TET3: variants seen among roughly 807,000 people sequenced by gnomAD.
TET3 encodes the protein methylcytosine dioxygenase TET3.
TET3 carries 19 observed loss-of-function variants against 141.4 expected under a neutral mutation model. The observed-to-expected ratio is 0.13, with a 90% CI of 0.09 to 0.20. The LOEUF (loss-of-function observed/expected upper bound fraction) is 0.20, where lower values mean the gene tolerates loss of function less well. Among genes scored for constraint, TET3 ranks in the 10% least tolerant of loss-of-function variants. TET3 has a pLI of 1.00. For synonymous variants in TET3, 1,043 were observed against 980.9 expected (o/e 1.06, Z -1.18); for missense variants, 1,874 against 2,356.9 (o/e 0.80, Z 4.24).
At chr2:74,043,684 G>A (rs1029861799) in intron 3 of TET3, among the ~76,000 whole-genome samples, 1 of 152,178 alleles carries the variant, frequency 6.6e-6, no homozygotes, top group African/African-American at 2.4e-5. Flanking sequence ...TGTTAGAAAA[G>A]CATGAGGGTC....
chr2:74,047,003 C>T lies in TET3; in HGVS notation c.1086C>T (p.Ala362=). 1 of 1,613,956 alleles carries T rather than the reference C, an allele frequency of 6.2e-7. No homozygotes were observed. Among genetic ancestry groups the T allele is most frequent in the Non-Finnish European group, 8.5e-7 (1 of 1,179,872 alleles). Residue 362 remains alanine (A), a synonymous_variant, in exon 4 of 12, where the codon GCC becomes GCT. Transcript: ENST00000409262. Reference sequence around the variant, plus strand: ...TGCAGACCGCCATTGCCATTGAGGCCCTCACACAGCTCTCCTCTGCCCTCC... The same window carrying T: ...TGCAGACCGCCATTGCCATTGAGGCTCTCACACAGCTCTCCTCTGCCCTCC... ...ISLQTAIAIE[A]LTQLSSALPQ... is the part of the protein sequence containing the mutation.
At chr2:74,118,286 G>A in the TET3 span, among the ~76,000 whole-genome samples, 1 of 152,164 alleles carries the variant, frequency 6.6e-6, no homozygotes, top group Non-Finnish European at 1.5e-5. Context: ...CTCCCGAGAA[G>A]CAAAGTCAAG....
chr2:74,058,741 A>G (rs529873010), intron 4 of TET3, among the ~76,000 whole-genome samples: 3 of 152,312 alleles, frequency 2.0e-5, no homozygotes, highest in Non-Finnish European at 4.4e-5. Context: ...GCATCTCAGA[A>G]GCCTCCGAAG....
At chr2:74,133,025 G>A in the TET3 span, among the ~76,000 whole-genome samples, 3 of 151,396 alleles carry the variant, frequency 2.0e-5, no homozygotes, top group Non-Finnish European at 4.4e-5. Context: ...AGCCTCCCGA[G>A]TAGCTGGGAC....
chr2:74,034,575 TAAAAAAA>T (rs57991784), intron 3 of TET3, among the ~76,000 whole-genome samples: 1 of 130,050 alleles, frequency 7.7e-6, no homozygotes, highest in Non-Finnish European at 1.7e-5. Context: ...GAGCATTGAT[TAAAAAAA>T]AAAAAAAAAA....
intron 8 of TET3, 61 bp from the exon 9 acceptor site, chr2:74,092,841 C>T (rs1690584850): frequency 1.4e-6 from 2 of 1,442,948 alleles, no homozygotes; most frequent in Non-Finnish European, 1.9e-6. Context: ...AGTCCACTTC[C>T]AGGGTGCAGG....
At chr2:74,109,109 C>T (rs1222901603), downstream of TET3, among the ~76,000 whole-genome samples, 2 of 152,152 alleles carry the variant, frequency 1.3e-5, no homozygotes, top group African/African-American at 4.8e-5. Context: ...TTGGAAGAGA[C>T]CTAGTTCTGT....
intron 3 of TET3, among the ~76,000 whole-genome samples, chr2:74,013,290 G>A (rs1685564829): frequency 6.6e-6 from 1 of 151,118 alleles, no homozygotes; most frequent in African/African-American, 2.5e-5. Context: ...CACCGCGCCT[G>A]GCCTGATGGG....
rs760108332 is a variant in TET3, at chr2:74,014,902, A to G, written c.360+11736A>G. Among the ~76,000 whole-genome samples, 8 of 152,288 alleles carry G rather than the reference A, an allele frequency of 5.3e-5. No homozygotes were observed. The East Asian group carries it at 5.8e-4, about 11-fold the overall frequency. On this transcript the variant is annotated intron_variant, in intron 3 of 11. Coordinates refer to ENST00000409262, the MANE Select transcript of TET3 (RefSeq NM_001287491.2). Reference sequence around the variant, plus strand: ...GAGAGGGACCCACAGTGCCAGGAAAAATGTGGTGGACATCTCTTAGACACC... The same window carrying G: ...GAGAGGGACCCACAGTGCCAGGAAAGATGTGGTGGACATCTCTTAGACACC...
At position 74,093,621 on chromosome 2, in the gene TET3, C is replaced by G. The variant is rs1219747868; in HGVS notation, c.3222C>G (p.Ala1074=). ...TCACGGCCTGCATGGACTTCTGTGC[C>G]CACGCCCACAAGGACCAGCATAACC... ...AGVTACMDFC[A]HAHKDQHNLY... is the part of the protein sequence containing the mutation. Residue 1074 remains alanine, a synonymous_variant, in exon 10 of 12, where the codon GCC becomes GCG. Coordinates refer to ENST00000409262, the MANE Select transcript of TET3 (RefSeq NM_001287491.2). The surrounding 1 kb of genome is among the most constrained non-coding windows in gnomAD (Gnocchi z 4.2). 1.2e-6 allele frequency: 2 copies of G among 1,613,624 alleles called. No homozygotes were observed. The highest frequency in any genetic ancestry group is 1.3e-5 in the African/African-American group (1 of 75,032).
intron 4 of TET3, among the ~76,000 whole-genome samples, 197 bp downstream of exon 4, chr2:74,048,608 C>T (rs1687775999): frequency 6.6e-6 from 1 of 152,190 alleles, no homozygotes; most frequent in African/African-American, 2.4e-5. Flanking sequence ...TGCGTGTATG[C>T]CACGTCGGCT....
At chr2:73,988,547 G>T (rs1298840917) in intron 2 of TET3, among the ~76,000 whole-genome samples, 1 of 152,154 alleles carries the variant, frequency 6.6e-6, no homozygotes, top group Non-Finnish European at 1.5e-5. Flanking sequence ...CAGGCTGCCG[G>T]GTGGTCTTGG....
chr2:74,130,519 TCA>T, the TET3 span: 1 of 152,216 alleles, frequency 6.6e-6, no homozygotes, highest in Non-Finnish European at 1.5e-5. Flanking sequence ...CAGCTGGAGC[TCA>T]CAAGCCACTG....
rs1361394788 is a variant in TET3, at chr2:74,101,322, C to T, written c.4534C>T (p.Pro1512Ser). 1 of 1,613,562 alleles carries T rather than the reference C, an allele frequency of 6.2e-7. No individual in the cohort carries two copies. Among genetic ancestry groups the T allele is most frequent in the Non-Finnish European group, 8.5e-7 (1 of 1,179,820 alleles). ...CTCTGGAGGACGGCTGCGAGGCAAACCGTGGAGCCCCTGCAAGTTTGGGAA... is the reference window on the plus strand; with the variant it reads ...CTCTGGAGGACGGCTGCGAGGCAAATCGTGGAGCCCCTGCAAGTTTGGGAA... ...SHSGGRLRGK[P>S]WSPCKFGNST... Residue 1512 changes from proline to serine, a missense_variant, in exon 12 of 12, where the codon CCG becomes TCG. By Grantham distance (74) the Pro-to-Ser change is moderately conservative. Around this residue, in one of 10 missense-constraint regions of TET3, gnomAD observed 602 missense variants for 590.2 expected, o/e 1.02. Transcript: ENST00000409262. This position sits in a 1 kb window ranked among gnomAD's most constrained non-coding sequence, Gnocchi z 8.5.
intron 4 of TET3, among the ~76,000 whole-genome samples, chr2:74,060,374 G>C (rs893776973): frequency 6.6e-6 from 1 of 152,040 alleles, no homozygotes; most frequent in Admixed American, 6.6e-5. Flanking sequence ...GAGTGGTAAG[G>C]GTTCTTTATT....
intron 5 of TET3, among the ~76,000 whole-genome samples, chr2:74,075,488 C>A (rs946297938): frequency 1.3e-5 from 2 of 151,612 alleles, no homozygotes; most frequent in African/African-American, 2.4e-5. Context: ...GCCACCACTC[C>A]AGGCTGATTT....
chr2:74,067,648 A>G (rs1351954025), intron 4 of TET3, among the ~76,000 whole-genome samples: 1 of 152,274 alleles, frequency 6.6e-6, no homozygotes, highest in Non-Finnish European at 1.5e-5. Context: ...GAGAAAGTTC[A>G]ATAGGGCTTC....
At chr2:74,036,079 T>C (rs1687041940) in intron 3 of TET3, among the ~76,000 whole-genome samples, 1 of 152,192 alleles carries the variant, frequency 6.6e-6, no homozygotes, top group Admixed American at 6.5e-5. Flanking sequence ...CCTCTCGCGG[T>C]GCTTACTATG....
At position 74,080,642 on chromosome 2, in the gene TET3, T is replaced by G. The variant is rs73951137; in HGVS notation, c.2679+51T>G. 3.4e-3 allele frequency: 4,940 copies of G among 1,465,006 alleles called. 146 individuals carry two copies. In the African/African-American group the frequency reaches 0.064, roughly 19 times the overall value. The allele number at this position is 1,465,006 out of a possible 1,614,324, so 90.8% of individuals were successfully genotyped here. ...CACAGCTGTGCCTGGTTCCCCTTGC[T>G]GCATGGCCACGGCTGTGCCTGGTTC... On this transcript the variant is annotated intron_variant, in intron 6 of 11. Coordinates refer to ENST00000409262, the MANE Select transcript of TET3 (RefSeq NM_001287491.2).
Sources: allele counts gnomAD v4.1 joint callset (sites outside exome capture counted in the v4.1 genomes callset), GRCh38; gene constraint gnomAD v4.1.1; regional missense constraint gnomAD v4.1.1; non-coding constraint Gnocchi (gnomAD v3.1); transcripts MANE v1.5; gene names NCBI Gene and HGNC (gene_info 2026-07-23, HGNC 2026-07-21).